Variants in PCDHGB2 observed in about 807,000 individuals in gnomAD.
The protein encoded by PCDHGB2 is protocadherin gamma subfamily B, 2.
PCDHGB2 carries 55 observed loss-of-function variants against 59.3 expected under a neutral mutation model. The observed-to-expected ratio is 0.93, with a 90% confidence interval of 0.75 to 1.16. The LOEUF is 1.16. Ranked by LOEUF, PCDHGB2 falls within the 50% of genes most tolerant of loss-of-function variation. The pLI is 0.00. For missense variants in PCDHGB2, 1,228 were observed against 1,198.5 expected (o/e 1.02, Z -0.36); for synonymous variants, 516 against 512.0 (o/e 1.01, Z -0.11).
At chr5:141,381,826 C>CTTTTTTTTTTTTTTTT (rs770630741) in intron 1 of PCDHGB2, among the ~76,000 whole-genome samples, 8 of 74,282 alleles carry the variant, frequency 1.1e-4, no homozygotes, top group African/African-American at 1.9e-4. Flanking sequence ...CTTTCTTCTT[C>CTTTTTTTTTTTTTTTT]TTTTTTTTTT....
intron 1 of PCDHGB2, among the ~76,000 whole-genome samples, chr5:141,454,252 A>T (rs1288181537): frequency 6.6e-6 from 1 of 152,214 alleles, no homozygotes; most frequent in Non-Finnish European, 1.5e-5. Context: ...AAGATGTCCC[A>T]GAGAAAGTAA....
Position 141,432,058 on chromosome 5 carries a change from C to T in PCDHGB2, c.2422-62749C>T, listed in dbSNP as rs2097444209. On this transcript the variant is annotated intron_variant, in intron 1 of 3. Coordinates refer to ENST00000522605, the MANE Select transcript of PCDHGB2 (RefSeq NM_018923.3). The surrounding 1 kb of genome is among the most constrained non-coding windows in gnomAD (Gnocchi z 6.0). ...CTGACCGGGGAACCCCGCCCCTATC[C>T]ACGGAAACTCATATCTCGCTGAACG... 1 of 1,614,210 alleles carries T rather than the reference C, an allele frequency of 6.2e-7. No individual in the cohort carries two copies.
At chr5:141,465,840 A>G (rs1212861707) in intron 1 of PCDHGB2, among the ~76,000 whole-genome samples, 1 of 151,734 alleles carries the variant, frequency 6.6e-6, no homozygotes, top group Non-Finnish European at 1.5e-5. Context: ...ATTTCAACTG[A>G]GGCTGGGCCC....
intron 1 of PCDHGB2, among the ~76,000 whole-genome samples, chr5:141,451,138 A>T (rs1348825654): frequency 6.6e-6 from 1 of 152,242 alleles, no homozygotes; most frequent in East Asian, 1.9e-4. Flanking sequence ...TTATGATTGT[A>T]TTTAGACTAG....
At chr5:141,472,994 A>AAAG (rs2099310386) in intron 1 of PCDHGB2, among the ~76,000 whole-genome samples, 1 of 151,692 alleles carries the variant, frequency 6.6e-6, no homozygotes, top group Non-Finnish European at 1.5e-5. Flanking sequence ...AAAAAAAAAA[A>AAAG]AAAGAAAGAA....
In PCDHGB2 at chr5:141,361,046, A is replaced by T. The variant is rs779477758; in HGVS notation, c.911A>T (p.Lys304Met). ...GAAAAAACAGGAGAAATCACGACAA[A>T]GGATGATTTGGATTTTGAGATTGCA... The part of the protein sequence containing the change: ...LNEKTGEITT[K>M]DDLDFEIASS... Residue 304 changes from lysine to methionine, a missense_variant, in exon 1 of 4, where the codon AAG (lysine) becomes ATG (methionine). This residue lies in a region of PCDHGB2 where 781 missense variants were observed against 721.6 expected (regional missense o/e 1.08). Transcript: ENST00000522605. The T allele has an allele frequency of 7.4e-6, 12 of 1,613,592 alleles. No individual in the cohort carries two copies. The highest frequency in any genetic ancestry group is 9.3e-6 in the Non-Finnish European group (11 of 1,179,716).
chr5:141,365,002 C>T (rs779500238), intron 1 of PCDHGB2: 3 of 1,613,918 alleles, frequency 1.9e-6, no homozygotes, highest in Non-Finnish European at 2.5e-6. Flanking sequence ...TACTCTCCGG[C>T]ACCACGCACA....
intron 1 of PCDHGB2, chr5:141,430,641 T>G: frequency 1.1e-6 from 1 of 902,670 alleles, no homozygotes. Context: ...TCCCTGGGAG[T>G]ATGTGGAAAC....
rs571977774 is a variant in PCDHGB2 at position 141,375,523 on chromosome 5, C to G, written c.2421+12967C>G. ...TCTCTGTGAATGCACTGGACCCTGA[C>G]GTGGACCAGAACGCCCAAGTCTCCT... On this transcript the variant is annotated intron_variant, in intron 1 of 3. Coordinates refer to ENST00000522605, the MANE Select transcript of PCDHGB2 (RefSeq NM_018923.3). The G allele has an allele frequency of 1.6e-4, 253 of 1,614,032 alleles. 3 individuals are homozygous for G. The Admixed American group carries it at 4.2e-3, about 27-fold the overall frequency.
At position 141,437,148 on chromosome 5, in the gene PCDHGB2, A is replaced by T. The variant is rs1196014608; in HGVS notation, c.2422-57659A>T. ...GTTGATAATTTAGGATTCATAATTA[A>T]CATATGTGTTGATTGTTTTCTGAGA... is the stretch of plus-strand genomic sequence containing the variant. On this transcript the variant is annotated intron_variant, in intron 1 of 3. Coordinates refer to ENST00000522605, the MANE Select transcript of PCDHGB2 (RefSeq NM_018923.3). Among the ~76,000 whole-genome samples the T allele has an allele frequency of 2.0e-5, 3 of 152,214 alleles. No individual in the cohort carries two copies. In the East Asian group the frequency reaches 5.8e-4, roughly 29 times the overall value.
rs1318239086 is a variant in PCDHGB2 at position 141,375,939 on chromosome 5, T to C, written c.2421+13383T>C. 2.5e-6 allele frequency: 4 copies of C among 1,613,658 alleles called. No homozygotes were observed. In the East Asian group the frequency reaches 8.9e-5, roughly 36 times the overall value. On this transcript the variant is annotated intron_variant, in intron 1 of 3. Transcript: ENST00000522605. ...GCCAGCGAGCCAGGACTTTTCTCAGTGGGCCTGCACACGGGCGAGGTGCGC... is the reference window on the plus strand; with the variant it reads ...GCCAGCGAGCCAGGACTTTTCTCAGCGGGCCTGCACACGGGCGAGGTGCGC...
chr5:141,507,613 T>G (rs1003099044), intron 3 of PCDHGB2, among the ~76,000 whole-genome samples: 1 of 152,248 alleles, frequency 6.6e-6, no homozygotes, highest in African/African-American at 2.4e-5. Context: ...ACAGGTATAT[T>G]TAGCTGTTGT....
chr5:141,456,353 G>A (rs1041991824), intron 1 of PCDHGB2, among the ~76,000 whole-genome samples: 2 of 152,120 alleles, frequency 1.3e-5, no homozygotes, highest in South Asian at 2.1e-4. Context: ...GAAGAATGGC[G>A]TCCATGTGTG....
At chr5:141,404,892 A>T in intron 1 of PCDHGB2, 1 of 1,613,880 alleles carries the variant, frequency 6.2e-7, no homozygotes, top group African/African-American at 1.3e-5. Context: ...GTGGCTGTAC[A>T]GGACCATGGC....
At chr5:141,507,009 C>T (rs988626142) in intron 3 of PCDHGB2, 1 of 152,154 alleles carries the variant, frequency 6.6e-6, no homozygotes, top group South Asian at 2.1e-4. Context: ...ATGAGAGAAC[C>T]GAGAAGGCAC....
At chr5:141,501,516 C>T (rs763346187) in intron 2 of PCDHGB2, among the ~76,000 whole-genome samples, 1 of 152,010 alleles carries the variant, frequency 6.6e-6, no homozygotes, top group African/African-American at 2.4e-5. Context: ...GGCCTCCAAG[C>T]TGAAGCCCAG....
intron 1 of PCDHGB2, chr5:141,374,128 GCTC>G: frequency 6.2e-7 from 1 of 1,603,488 alleles, no homozygotes; most frequent in Non-Finnish European, 8.5e-7. Flanking sequence ...AGCAGGTCCT[GCTC>G]CTCACGCTCC....
chr5:141,404,945 G>A (rs753544983), intron 1 of PCDHGB2: 6 of 1,613,952 alleles, frequency 3.7e-6, no homozygotes, highest in Non-Finnish European at 5.1e-6. Flanking sequence ...AGTAGCCATA[G>A]CTGACAGCAT....
rs764696444 is a variant in PCDHGB2 at position 141,375,374 on chromosome 5, C to A, written c.2421+12818C>A. On this transcript the variant is annotated intron_variant, in intron 1 of 3. Coordinates refer to ENST00000522605, the MANE Select transcript of PCDHGB2 (RefSeq NM_018923.3). Reference sequence around the variant, plus strand: ...GACAGCCACGGACAAAGGAACACCACCTCTGTCTACAGAAACAATCATCTC... The same window carrying A: ...GACAGCCACGGACAAAGGAACACCAACTCTGTCTACAGAAACAATCATCTC... The A allele has an allele frequency of 2.4e-5, 38 of 1,613,952 alleles. No homozygotes were observed. In the South Asian group the frequency reaches 3.6e-4, roughly 15 times the overall value.
Sources: allele counts gnomAD v4.1 joint callset (sites outside exome capture counted in the v4.1 genomes callset), GRCh38; gene constraint gnomAD v4.1.1; regional missense constraint gnomAD v4.1.1; non-coding constraint Gnocchi (gnomAD v3.1); transcripts MANE v1.5; gene names NCBI Gene and HGNC (gene_info 2026-07-23, HGNC 2026-07-21).